Variants in TGS1 observed in about 807,000 individuals in gnomAD.
The protein encoded by TGS1 is trimethylguanosine synthase 1.
Under a neutral mutation model 92.2 loss-of-function variants are expected in TGS1, and 69 were observed. The observed-to-expected ratio is 0.75, with a 90% CI of 0.62 to 0.91. The LOEUF is 0.91. Among genes scored for constraint, TGS1 ranks in the 40% least tolerant of loss-of-function variants. The pLI, the probability that TGS1 is intolerant of heterozygous loss-of-function variation, is 0.00. For synonymous variants in TGS1, 345 were observed against 338.1 expected, an observed-to-expected ratio of 1.02 and a Z score of -0.22; for missense variants, 1,062 against 1,001.2, an observed-to-expected ratio of 1.06 and a Z score of -0.82.
intron 12 of TGS1, among the ~76,000 whole-genome samples, chr8:55,821,261 G>A (rs540043764): frequency 2.0e-5 from 3 of 152,216 alleles, no homozygotes; most frequent in East Asian, 1.9e-4. Context: ...TTATTTGTCC[G>A]TCATCTGACT....
intron 1 of TGS1, among the ~76,000 whole-genome samples, chr8:55,781,131 T>C (rs1209800921): frequency 1.3e-5 from 2 of 152,238 alleles, no homozygotes; most frequent in Admixed American, 1.3e-4. Context: ...CAGTGTTATA[T>C]ATGTGTGTTT....
Position 55,824,835 on chromosome 8 carries a change from C to A in TGS1, c.*132C>A. ...TATCACCGTATGAAATGGAAACTTACAGGACTTAAATATCAGTGAAATATT... is the reference window on the plus strand; with the variant it reads ...TATCACCGTATGAAATGGAAACTTAAAGGACTTAAATATCAGTGAAATATT... On this transcript the variant is annotated 3_prime_UTR_variant, in exon 13 of 13. Transcript: ENST00000260129. 9.9e-7 allele frequency: 1 copy of A among 1,011,072 alleles called. No homozygotes were observed. The highest frequency in any genetic ancestry group is 1.4e-6 in the Non-Finnish European group (1 of 699,496). The allele number at this position is 1,011,072 out of a possible 1,614,324, so 62.6% of individuals were successfully genotyped here. A position where few individuals can be genotyped will look rare whatever the true frequency, so the allele number is the denominator to read the frequency against.
chr8:55,822,549 CTTT>C (rs5891593), intron 12 of TGS1, among the ~76,000 whole-genome samples: 2,871 of 145,100 alleles, frequency 0.02, 42 homozygotes, highest in Middle Eastern at 0.062. Context: ...GACAAAATAC[CTTT>C]TTTTTTTTTC....
chr8:55,798,891 A>G (rs773370611), intron 7 of TGS1, 23 bp from the exon 8 acceptor site: 3 of 1,558,190 alleles, frequency 1.9e-6, no homozygotes, highest in African/African-American at 1.4e-5. Context: ...ATTCCTGCTC[A>G]TGATGTCATC....
At chr8:55,816,209 G>C (rs1291955312) in intron 12 of TGS1, among the ~76,000 whole-genome samples, 1 of 152,078 alleles carries the variant, frequency 6.6e-6, no homozygotes, top group Non-Finnish European at 1.5e-5. Flanking sequence ...GCTAATTCTA[G>C]CTTTGGATCT....
At chr8:55,804,358 T>C (rs1440462806) in intron 9 of TGS1, among the ~76,000 whole-genome samples, 1 of 152,160 alleles carries the variant, frequency 6.6e-6, no homozygotes, top group Non-Finnish European at 1.5e-5. Flanking sequence ...TGAGAATTGC[T>C]TGAACCCAGG....
chr8:55,810,957 G>A lies in TGS1; in HGVS notation c.2220G>A (p.Lys740=). The change falls in exon 11 of 13, where the codon AAG becomes AAA. Residue 740 remains lysine (K), a synonymous_variant. Transcript: ENST00000260129. ...CAGAAGTTTATGGGATAGCAGATAA[G>A]ATAGAGTTCATCTGTGGAGATTTCT... ...NNAEVYGIAD[K]IEFICGDFLL... The A allele has an allele frequency of 6.2e-7, 1 of 1,614,186 alleles. No homozygotes were observed. The highest frequency in any genetic ancestry group is 8.5e-7 in the Non-Finnish European group (1 of 1,180,038).
chr8:55,796,294 G>A, intron 7 of TGS1, 142 bp downstream of exon 7: 1 of 614,642 alleles, frequency 1.6e-6, no homozygotes, highest in Non-Finnish European at 2.8e-6. Flanking sequence ...CTTGCTTCTT[G>A]AAGGCATATA....
At chr8:55,800,083 T>G (rs1192548499) in intron 8 of TGS1, among the ~76,000 whole-genome samples, 1 of 152,222 alleles carries the variant, frequency 6.6e-6, no homozygotes, top group Non-Finnish European at 1.5e-5. Context: ...GAAACCATTA[T>G]ATTTATTGTG....
intron 6 of TGS1, among the ~76,000 whole-genome samples, chr8:55,795,562 T>C (rs2130166403): frequency 6.6e-6 from 1 of 152,330 alleles, no homozygotes; most frequent in South Asian, 2.1e-4. Context: ...TAAGCTCAGA[T>C]TGATTTAGAT....
chr8:55,796,011 G>A lies in TGS1; in HGVS notation c.1401G>A (p.Gln467=), dbSNP rs11997812. Residue 467 remains glutamine (Q), a synonymous_variant, in exon 7 of 13, where the codon CAG becomes CAA. Coordinates refer to ENST00000260129, the MANE Select transcript of TGS1 (RefSeq NM_024831.8). ...GAATCCCAAATTTCAGTCATCGGCA[G>A]GTCAGGTATTTAGAGAAGAATGTGA... ...YGGIPNFSHR[Q]VRYLEKNVKL... is the part of the protein sequence containing the mutation. 2.3e-3 allele frequency: 3,728 copies of A among 1,613,534 alleles called. 77 individuals are homozygous for A. The African/African-American group carries it at 0.045, about 20-fold the overall frequency.
chr8:55,776,140 C>CT (rs1174100489), intron 1 of TGS1, among the ~76,000 whole-genome samples: 1 of 152,040 alleles, frequency 6.6e-6, no homozygotes, highest in African/African-American at 2.4e-5. Flanking sequence ...ATTCCTGTCC[C>CT]TTTTAAGGGC....
chr8:55,816,240 A>G (rs1319396960), intron 12 of TGS1, among the ~76,000 whole-genome samples: 1 of 152,202 alleles, frequency 6.6e-6, no homozygotes. Context: ...ACAAACATGA[A>G]AGGTTTCTCT....
At chr8:55,816,400 T>G (rs1310147053) in intron 12 of TGS1, among the ~76,000 whole-genome samples, 1 of 152,104 alleles carries the variant, frequency 6.6e-6, no homozygotes, top group Non-Finnish European at 1.5e-5. Context: ...ACATAAGGAG[T>G]CTTGTCTCTT....
At chr8:55,790,527 G>A (rs1585765758) in intron 5 of TGS1, among the ~76,000 whole-genome samples, 1 of 150,490 alleles carries the variant, frequency 6.6e-6, no homozygotes, top group East Asian at 1.9e-4. Context: ...TTTAAGACAT[G>A]GTCTCGCTTT....
At position 55,786,408 on chromosome 8, in the gene TGS1, A is replaced by G. The variant is rs1431841615; in HGVS notation, c.510A>G (p.Glu170=). 6.2e-7 allele frequency: 1 copy of G among 1,613,610 alleles called. No homozygotes were observed. Among genetic ancestry groups the G allele is most frequent in the East Asian group, 2.2e-5 (1 of 44,876 alleles). ...AGTATGAGAACACCAGAACATATGA[A>G]CTTCAAAGCAAAAAAGATACTGAGA... ...IEQYENTRTY[E]LQSKKDTETE... Residue 170 remains glutamate (E), a synonymous_variant, in exon 4 of 13, where the codon GAA becomes GAG. Coordinates refer to ENST00000260129, the MANE Select transcript of TGS1 (RefSeq NM_024831.8).
chr8:55,796,025 A>T lies in TGS1; in HGVS notation c.1415A>T (p.Glu472Val), dbSNP rs1444664091. The stretch of plus-strand genomic sequence containing the variant: ...AGTCATCGGCAGGTCAGGTATTTAG[A>T]GAAGAATGTGAAGCTTAAGTCTAAG... ...NFSHRQVRYL[E>V]KNVKLKSKYL... The change falls in exon 7 of 13, where the codon GAG becomes GTG. Residue 472 changes from glutamate (E) to valine (V), a missense_variant. Glu to Val is a moderately radical substitution (Grantham distance 121). Transcript: ENST00000260129. 2.5e-6 allele frequency: 4 copies of T among 1,613,666 alleles called. No homozygotes were observed. The highest frequency in any genetic ancestry group is 1.6e-4 in the Middle Eastern group (1 of 6,078).
intron 2 of TGS1, among the ~76,000 whole-genome samples, chr8:55,784,054 G>A (rs779356997): frequency 5.9e-5 from 9 of 152,158 alleles, no homozygotes; most frequent in Non-Finnish European, 1.0e-4. Flanking sequence ...GCACACAAGA[G>A]ATTTCTCTTT....
In TGS1 at chr8:55,790,297, G is replaced by A; in HGVS notation, c.1278G>A (p.Arg426=). Residue 426 remains arginine, a splice_region_variant and synonymous_variant, in exon 5 of 13, where the codon AGG becomes AGA. Transcript: ENST00000260129. ...AGCATAAGCCAAGCAAACTGAAGAG[G>A]AGGTAAGTTACATGAGACCCCTCTC... ...PPEHKPSKLK[R]SHELDIDENP... 6.2e-7 allele frequency: 1 copy of A among 1,609,870 alleles called. No homozygotes were observed. The highest frequency in any genetic ancestry group is 8.5e-7 in the Non-Finnish European group (1 of 1,176,262).
Sources: allele counts gnomAD v4.1 joint callset (sites outside exome capture counted in the v4.1 genomes callset), GRCh38; gene constraint gnomAD v4.1.1; transcripts MANE v1.5; gene names NCBI Gene and HGNC (gene_info 2026-07-23, HGNC 2026-07-21).